THRAP3: variants seen among roughly 807,000 people sequenced by gnomAD.
THRAP3 encodes the protein thyroid hormone receptor-associated protein 3.
A neutral mutation model predicts 101.0 loss-of-function variants in THRAP3; 16 were observed. That is an observed-to-expected ratio of 0.16 (90% CI 0.11 to 0.24). THRAP3 has a LOEUF of 0.24. THRAP3 is among the 10% of genes least tolerant of loss of function. The pLI is 1.00. For missense variants in THRAP3, 989 were observed against 1,202.7 expected (o/e 0.82, Z 2.63); for synonymous variants, 407 against 422.6 (o/e 0.96, Z 0.45).
intron 3 of THRAP3, among the ~76,000 whole-genome samples, chr1:36,285,921 A>G (rs1645790183): frequency 6.6e-6 from 1 of 152,048 alleles, no homozygotes; most frequent in Non-Finnish European, 1.5e-5. Context: ...GTGTTACCAC[A>G]TTGTAGATAG....
At chr1:36,226,550 C>T (rs984300513) in intron 1 of THRAP3, among the ~76,000 whole-genome samples, 1 of 152,176 alleles carries the variant, frequency 6.6e-6, no homozygotes, top group Non-Finnish European at 1.5e-5. Flanking sequence ...TAAGCCACCG[C>T]GCCCGGCCAC....
intron 5 of THRAP3, among the ~76,000 whole-genome samples, chr1:36,290,954 G>A (rs1645860554): frequency 6.6e-6 from 1 of 152,136 alleles, no homozygotes; most frequent in Non-Finnish European, 1.5e-5. Flanking sequence ...GAATGGCCTT[G>A]GCTGGTCATG....
chr1:36,241,002 C>T (rs1056915125), intron 1 of THRAP3, among the ~76,000 whole-genome samples: 1 of 151,792 alleles, frequency 6.6e-6, no homozygotes, highest in African/African-American at 2.4e-5. Context: ...GTCAGGAGAT[C>T]GGGACCATCC....
intron 2 of THRAP3, among the ~76,000 whole-genome samples, chr1:36,276,559 C>T (rs568440120): frequency 7.2e-6 from 1 of 139,588 alleles, no homozygotes; most frequent in East Asian, 2.3e-4. Context: ...CAAAGGACAG[C>T]ATCAAGAAAG....
upstream of THRAP3, among the ~76,000 whole-genome samples, chr1:36,222,106 C>G (rs1286874399): frequency 6.6e-6 from 1 of 152,170 alleles, no homozygotes; most frequent in Non-Finnish European, 1.5e-5. Context: ...GCCACTGCGC[C>G]TGGCCTTGGT....
rs55662646 is a variant in THRAP3, at chr1:36,262,959, A to ATTTT, written c.-32+3496_-32+3499dup. ...AGGCGCCCGCCACCAGGGCCGGCTA[A>ATTTT]TTTTTTTTTTTTTTTTTTTTTTTTG... On this transcript the variant is annotated intron_variant, in intron 2 of 11. Transcript: ENST00000354618. 8.3e-4 allele frequency among the ~76,000 whole-genome samples: 87 copies of ATTTT among 104,360 alleles called. 4 individuals carry two copies. Among genetic ancestry groups the ATTTT allele is most frequent in the African/African-American group, 2.9e-3 (79 of 27,482 alleles). The allele number at this position is 104,360 out of a possible 152,430, so 68.5% of individuals were successfully genotyped here.
chr1:36,281,889 G>A (rs1645736222), intron 2 of THRAP3, among the ~76,000 whole-genome samples: 1 of 152,004 alleles, frequency 6.6e-6, no homozygotes, highest in Non-Finnish European at 1.5e-5. Context: ...TTACCAACAA[G>A]GAGAAACCCT....
chr1:36,298,661 G>C (rs1024561940), intron 9 of THRAP3, among the ~76,000 whole-genome samples: 1 of 151,886 alleles, frequency 6.6e-6, no homozygotes, highest in Admixed American at 6.6e-5. Context: ...CATGATGCCC[G>C]GCTAATTTTT....
chr1:36,284,455 T>A (rs1027997555), intron 3 of THRAP3, among the ~76,000 whole-genome samples: 1 of 152,238 alleles, frequency 6.6e-6, no homozygotes, highest in Non-Finnish European at 1.5e-5. Flanking sequence ...GATGTTCAGT[T>A]TTTATTTCTG....
intron 2 of THRAP3, among the ~76,000 whole-genome samples, chr1:36,280,988 C>T (rs1645724566): frequency 1.3e-5 from 2 of 149,914 alleles, no homozygotes; most frequent in South Asian, 2.1e-4. Context: ...TGCAATGGCG[C>T]GATCTTGGCT....
At chr1:36,226,253 C>G (rs545515872) in intron 1 of THRAP3, among the ~76,000 whole-genome samples, 4 of 152,092 alleles carry the variant, frequency 2.6e-5, no homozygotes, top group Admixed American at 6.5e-5. Flanking sequence ...CACAGACATA[C>G]GATTTATTAT....
intron 9 of THRAP3, among the ~76,000 whole-genome samples, chr1:36,297,606 G>T (rs369078510): frequency 6.6e-6 from 1 of 151,502 alleles, no homozygotes; most frequent in Non-Finnish European, 1.5e-5. Flanking sequence ...CCACTACCAC[G>T]CCCAGCTAAT....
intron 1 of THRAP3, among the ~76,000 whole-genome samples, chr1:36,258,153 T>C (rs924555881): frequency 2.0e-5 from 3 of 152,100 alleles, no homozygotes; most frequent in Non-Finnish European, 4.4e-5. Context: ...ATAGGTTGTT[T>C]TTTAAATTCA....
chr1:36,259,469 T>C lies in THRAP3; in HGVS notation c.-47T>C, dbSNP rs1407994776. ...TGTCTGGGATCCAGTACGAGTTGAATCATTGTTCAAATAAGGTAAAAGCAT... is the reference window on the plus strand; with the variant it reads ...TGTCTGGGATCCAGTACGAGTTGAACCATTGTTCAAATAAGGTAAAAGCAT... On this transcript the variant is annotated 5_prime_UTR_variant, in exon 2 of 12. Coordinates refer to ENST00000354618, the MANE Select transcript of THRAP3 (RefSeq NM_005119.4). 2.5e-6 allele frequency: 1 copy of C among 398,492 alleles called. No homozygotes were observed. Among genetic ancestry groups the C allele is most frequent in the Non-Finnish European group, 4.4e-6 (1 of 226,076 alleles). 24.7% of individuals were successfully genotyped at this position (398,492 alleles called of 1,614,324 possible).
At chr1:36,251,969 G>A (rs1645307044) in intron 1 of THRAP3, among the ~76,000 whole-genome samples, 1 of 152,138 alleles carries the variant, frequency 6.6e-6, no homozygotes, top group Non-Finnish European at 1.5e-5. Context: ...TTATTGAGGA[G>A]TTCAGTTGCT....
At chr1:36,231,119 C>T (rs2124349149) in intron 1 of THRAP3, among the ~76,000 whole-genome samples, 1 of 152,236 alleles carries the variant, frequency 6.6e-6, no homozygotes, top group Non-Finnish European at 1.5e-5. Context: ...TACTCCCATT[C>T]ATAGTCACTT....
intron 1 of THRAP3, among the ~76,000 whole-genome samples, chr1:36,236,205 G>A (rs1250989116): frequency 6.7e-6 from 1 of 150,176 alleles, no homozygotes; most frequent in Non-Finnish European, 1.5e-5. Flanking sequence ...GGGTGACACA[G>A]CGAGACTCAG....
intron 2 of THRAP3, among the ~76,000 whole-genome samples, chr1:36,277,312 G>A (rs1024072718): frequency 2.0e-5 from 3 of 151,168 alleles, no homozygotes; most frequent in Non-Finnish European, 4.4e-5. Context: ...GTCTTGCTCT[G>A]TCACCCAGGC....
chr1:36,216,678 T>C, the THRAP3 span, among the ~76,000 whole-genome samples: 2 of 151,622 alleles, frequency 1.3e-5, no homozygotes, highest in Non-Finnish European at 2.9e-5. Flanking sequence ...CCCAGCTACT[T>C]GGGGGCTAAG....
Sources: gnomAD v4.1 joint callset for allele counts (sites outside exome capture counted in the v4.1 genomes callset) on GRCh38, gnomAD v4.1.1 for gene constraint, MANE v1.5 for transcripts, NCBI Gene and HGNC (gene_info 2026-07-23, HGNC 2026-07-21) for gene names.